Variants in CELF2 observed in about 807,000 individuals in gnomAD.
The protein encoded by CELF2 is CUG triplet repeat RNA-binding protein 2.
Under a neutral mutation model 62.6 loss-of-function variants are expected in CELF2, and 8 were observed. The ratio of observed to expected loss-of-function variants is 0.13; its 90% CI spans 0.07 to 0.23. CELF2 has a LOEUF of 0.23. Among genes scored for constraint, CELF2 ranks in the 10% least tolerant of loss-of-function variants. The pLI is 1.00. For missense variants in CELF2, 333 were observed against 671.0 expected, an observed-to-expected ratio of 0.50 and a Z score of 5.56; for synonymous variants, 258 against 250.0, an observed-to-expected ratio of 1.03 and a Z score of -0.30.
At position 11,217,671 on chromosome 10, in the gene CELF2, C is replaced by T. The variant is rs968775021; in HGVS notation, c.354+164C>T. On this transcript the variant is annotated intron_variant, in intron 3 of 12. Transcript: ENST00000633077. This position sits in a 1 kb window ranked among gnomAD's most constrained non-coding sequence, Gnocchi z 5.6. ...TGCAGCAGCCACACCAGCTGGCCAG[C>T]CCATAAAGGAGCGCTGGCATTAACA... 1.3e-5 allele frequency among the ~76,000 whole-genome samples: 2 copies of T among 152,106 alleles called. No homozygotes were observed. Among genetic ancestry groups the T allele is most frequent in the African/African-American group, 4.8e-5 (2 of 41,404 alleles).
At chr10:10,754,908 A>G in the CELF2 span, among the ~76,000 whole-genome samples, 156 of 152,360 alleles carry the variant, frequency 1.0e-3, no homozygotes, top group Non-Finnish European at 2.0e-3. Flanking sequence ...GTCAACGGAC[A>G]ATGAGAATAT....
At chr10:10,531,392 G>T in the CELF2 span, among the ~76,000 whole-genome samples, 1 of 152,132 alleles carries the variant, frequency 6.6e-6, no homozygotes, top group Non-Finnish European at 1.5e-5. Flanking sequence ...CTTGACCAAG[G>T]TCTTGTAGTA....
chr10:10,870,934 C>G (rs1186719747), intron 1 of CELF2, among the ~76,000 whole-genome samples: 1 of 152,168 alleles, frequency 6.6e-6, no homozygotes, highest in Non-Finnish European at 1.5e-5. Context: ...GACTCACTAA[C>G]GCAGTGGCCC....
chr10:10,960,259 G>T (rs944270790), intron 2 of CELF2: 3 of 152,186 alleles, frequency 2.0e-5, no homozygotes, highest in African/African-American at 7.2e-5. Context: ...CACCCTTGTG[G>T]CAGGAAAAGT....
In CELF2 at chr10:11,067,746, A is replaced by G. The variant is rs575410765; in HGVS notation, c.74+49583A>G. Among the ~76,000 whole-genome samples the G allele has an allele frequency of 7.8e-4, 119 of 152,360 alleles. 2 individuals carry two copies. Among genetic ancestry groups the G allele is most frequent in the Non-Finnish European group, 1.5e-3 (101 of 68,028 alleles). ...GTTTCCAGTGGTTGAAGTTGAAAGAACACAGGTTAGAGTCAGATCAGGCAT... is the reference window on the plus strand; with the variant it reads ...GTTTCCAGTGGTTGAAGTTGAAAGAGCACAGGTTAGAGTCAGATCAGGCAT... On this transcript the variant is annotated intron_variant, in intron 1 of 12. Coordinates refer to ENST00000633077, the MANE Select transcript of CELF2 (RefSeq NM_001326342.2).
intron 1 of CELF2, among the ~76,000 whole-genome samples, chr10:10,884,224 A>C (rs554093794): frequency 2.0e-5 from 3 of 152,328 alleles, no homozygotes; most frequent in Admixed American, 1.3e-4. Context: ...GCTCTGTAAC[A>C]GTGACTCTAT....
intron 2 of CELF2, among the ~76,000 whole-genome samples, chr10:11,208,507 C>A (rs2060984828): frequency 6.6e-6 from 1 of 152,172 alleles, no homozygotes; most frequent in South Asian, 2.1e-4. Context: ...TGAGCAGGGA[C>A]ACTCGGCAAG....
At chr10:10,528,901 T>C in the CELF2 span, among the ~76,000 whole-genome samples, 6,647 of 152,304 alleles carry the variant, frequency 0.044, 467 homozygotes, top group African/African-American at 0.15. Flanking sequence ...GTAGCTATCA[T>C]AGCACAGCCA....
At chr10:10,577,296 C>G in the CELF2 span, among the ~76,000 whole-genome samples, 13 of 151,904 alleles carry the variant, frequency 8.6e-5, no homozygotes, top group African/African-American at 3.1e-4. Flanking sequence ...CTCTTCAGTT[C>G]CTGACAGGAC....
intron 1 of CELF2, among the ~76,000 whole-genome samples, chr10:10,901,942 A>G (rs1050609600): frequency 1.3e-5 from 2 of 152,236 alleles, no homozygotes; most frequent in Non-Finnish European, 2.9e-5. Context: ...ATTTCACCAA[A>G]GAAGACACGC....
chr10:10,996,251 G>T (rs901756866), intron 2 of CELF2, among the ~76,000 whole-genome samples: 2 of 152,226 alleles, frequency 1.3e-5, no homozygotes, highest in African/African-American at 4.8e-5. Context: ...TGTTCAGAAA[G>T]CTGGGTGCAG....
intron 1 of CELF2, among the ~76,000 whole-genome samples, chr10:10,804,706 T>C (rs1018166533): frequency 6.6e-6 from 1 of 152,230 alleles, no homozygotes; most frequent in African/African-American, 2.4e-5. Flanking sequence ...CTCCCATTAA[T>C]GAAAACAGCA....
At position 10,928,572 on chromosome 10, in the gene CELF2, G is replaced by A. The variant is rs547123101; in HGVS notation, c.89+8573G>A. Among the ~76,000 whole-genome samples the A allele has an allele frequency of 6.6e-6, 1 of 152,266 alleles. No homozygotes were observed. Among genetic ancestry groups the A allele is most frequent in the South Asian group, 2.1e-4 (1 of 4,824 alleles). ...ATTTTTGTGCTACAACATCACAGTT[G>A]AGTAGCTGTGGCAGAGACGGTATAG... On this transcript the variant is annotated intron_variant, in intron 2 of 13. Coordinates refer to the CELF2 transcript ENST00000636488. The surrounding 1 kb of genome is among the most constrained non-coding windows in gnomAD (Gnocchi z 4.8).
intron 2 of CELF2, chr10:10,946,634 T>A (rs2047719711): frequency 6.6e-6 from 1 of 152,572 alleles, no homozygotes; most frequent in Admixed American, 6.5e-5. Context: ...TTTTTTTTTA[T>A]TTAATAAAGA....
chr10:10,907,108 C>T (rs544438308), intron 1 of CELF2, among the ~76,000 whole-genome samples: 16 of 152,074 alleles, frequency 1.1e-4, no homozygotes, highest in Admixed American at 2.0e-4. Flanking sequence ...GACACACACA[C>T]GCAAACGCAC....
intron 1 of CELF2, among the ~76,000 whole-genome samples, chr10:11,123,313 C>T (rs941848289): frequency 2.0e-5 from 3 of 152,144 alleles, no homozygotes; most frequent in African/African-American, 7.2e-5. Context: ...TACCATGACA[C>T]AATCCTAGCT....
intron 9 of CELF2, among the ~76,000 whole-genome samples, chr10:11,307,452 T>C (rs1408858496): frequency 6.6e-6 from 1 of 152,262 alleles, no homozygotes; most frequent in Non-Finnish European, 1.5e-5. Flanking sequence ...GGAAAAGTGT[T>C]ACCTGCTTTC....
intron 2 of CELF2, among the ~76,000 whole-genome samples, chr10:10,952,698 G>T (rs1329029498): frequency 1.3e-5 from 2 of 151,696 alleles, no homozygotes; most frequent in African/African-American, 4.8e-5. Context: ...AAGAGGTGGG[G>T]GATTGTAGTT....
the CELF2 span, among the ~76,000 whole-genome samples, chr10:10,546,802 T>C: frequency 1.3e-5 from 2 of 151,860 alleles, no homozygotes; most frequent in Non-Finnish European, 2.9e-5. Context: ...TTTTCCTGAA[T>C]GATTCCTTAA....
Sources: gnomAD v4.1 joint callset for allele counts (sites outside exome capture counted in the v4.1 genomes callset) on GRCh38, gnomAD v4.1.1 for gene constraint, Gnocchi (gnomAD v3.1) non-coding constraint, MANE v1.5 for transcripts, NCBI Gene and HGNC (gene_info 2026-07-23, HGNC 2026-07-21) for gene names.